Variants in NBAS observed in about 807,000 individuals in gnomAD.
NBAS encodes NAG/BC035112 fusion.
A neutral mutation model predicts 302.5 loss-of-function variants in NBAS; 219 were observed. The ratio of observed to expected loss-of-function variants is 0.72; its 90% CI spans 0.65 to 0.81. NBAS has a LOEUF of 0.81. Among genes scored for constraint, NBAS ranks in the 30% least tolerant of loss-of-function variants. The probability of loss-of-function intolerance (pLI) is 0.00; values close to 1 mark genes in which losing one functional copy is unlikely to be tolerated. For missense variants in NBAS, 2,932 were observed against 2,841.6 expected (o/e 1.03, Z -0.72); for synonymous variants, 1,118 against 1,021.6 (o/e 1.09, Z -1.80).
At chr2:15,430,596 A>T (rs1476999507) in intron 21 of NBAS, among the ~76,000 whole-genome samples, 1 of 152,228 alleles carries the variant, frequency 6.6e-6, no homozygotes, top group Non-Finnish European at 1.5e-5. Flanking sequence ...GCATAAATTA[A>T]CTTGTCCATC....
rs1422746762 is a variant in NBAS at position 15,360,342 on chromosome 2, A to AC, written c.3818-3927_3818-3926insG. Among the ~76,000 whole-genome samples, 596 of 122,400 alleles carry AC rather than the reference A, an allele frequency of 4.9e-3. 3 individuals carry two copies. Among genetic ancestry groups the AC allele is most frequent in the African/African-American group, 0.015 (576 of 39,420 alleles). The allele number at this position is 122,400 out of a possible 152,430, so 80.3% of individuals were successfully genotyped here. ...GGTTACCATAACTTAAAAAAAAAAA[A>AC]AAAACAAAACAAAACAGAATCTCAC... On this transcript the variant is annotated intron_variant, in intron 32 of 51. Coordinates refer to ENST00000281513, the MANE Select transcript of NBAS (RefSeq NM_015909.4).
chr2:14,988,463 C>T, the NBAS span, among the ~76,000 whole-genome samples: 1 of 152,158 alleles, frequency 6.6e-6, no homozygotes, highest in Admixed American at 6.5e-5. Flanking sequence ...TAATGACATT[C>T]CTCTTAATTC....
the NBAS span, among the ~76,000 whole-genome samples, chr2:14,888,153 C>T: frequency 0.013 from 1,974 of 152,070 alleles, 44 homozygotes; most frequent in African/African-American, 0.045. Flanking sequence ...TTTTTTGAAA[C>T]GGAGTCTCAC....
Position 15,268,891 on chromosome 2 carries a change from C to A in NBAS, c.5724+6593G>T, listed in dbSNP as rs143829790. ...TTTATTACTTTTTCCTGATTAAAAC[C>A]CGAAGGCATGATAGAAATATTTCTG... On this transcript the variant is annotated intron_variant, in intron 44 of 51. Coordinates refer to ENST00000281513, the MANE Select transcript of NBAS (RefSeq NM_015909.4). Among the ~76,000 whole-genome samples the A allele has an allele frequency of 2.5e-3, 376 of 152,282 alleles. 2 individuals carry two copies. The highest frequency in any genetic ancestry group is 8.8e-3 in the African/African-American group (365 of 41,556).
In NBAS at chr2:15,328,284, A is replaced by C. The variant is rs774830142; in HGVS notation, c.4376T>G (p.Ile1459Ser). ...TAGATCTTCATTGGCTGTAGTTCCGATTTGATATGCACCACCACATTTTTG... is the reference window on the plus strand; with the variant it reads ...TAGATCTTCATTGGCTGTAGTTCCGCTTTGATATGCACCACCACATTTTTG... ...QGQKCGGAYQ[I>S]GTTANEDLEK... The change falls in exon 37 of 52, where the codon ATC (isoleucine) becomes AGC (serine). Residue 1459 changes from isoleucine to serine, a missense_variant. Coordinates refer to ENST00000281513, the MANE Select transcript of NBAS (RefSeq NM_015909.4). 8 of 1,613,920 alleles carry C rather than the reference A, an allele frequency of 5.0e-6. No individual in the cohort carries two copies. Among genetic ancestry groups the C allele is most frequent in the South Asian group, 1.1e-5 (1 of 91,064 alleles).
chr2:15,139,308 G>C, the NBAS span, among the ~76,000 whole-genome samples: 2 of 152,076 alleles, frequency 1.3e-5, no homozygotes, highest in African/African-American at 4.8e-5. Flanking sequence ...GAAATCATGG[G>C]GAATAGAAAA....
At chr2:14,937,300 G>A in the NBAS span, among the ~76,000 whole-genome samples, 21 of 152,216 alleles carry the variant, frequency 1.4e-4, no homozygotes, top group Non-Finnish European at 2.8e-4. Context: ...TGAAGCAGGT[G>A]TACTGTGCAC....
chr2:14,992,161 T>C, the NBAS span, among the ~76,000 whole-genome samples: 2 of 152,184 alleles, frequency 1.3e-5, no homozygotes, highest in Admixed American at 1.3e-4. Flanking sequence ...TGTGTGAAAA[T>C]GCTCTAAAAA....
chr2:15,466,724 G>C (rs1373357113), intron 19 of NBAS, among the ~76,000 whole-genome samples: 1 of 152,106 alleles, frequency 6.6e-6, no homozygotes, highest in Non-Finnish European at 1.5e-5. Context: ...GATTGCTTGA[G>C]TCTAGAAGTT....
chr2:15,001,028 C>A, the NBAS span, among the ~76,000 whole-genome samples: 2 of 152,146 alleles, frequency 1.3e-5, no homozygotes, highest in African/African-American at 4.8e-5. Context: ...CAGCACGGCA[C>A]CCCTCCCACA....
chr2:15,301,197 T>C (rs1670778809), intron 40 of NBAS, among the ~76,000 whole-genome samples: 1 of 152,074 alleles, frequency 6.6e-6, no homozygotes, highest in African/African-American at 2.4e-5. Flanking sequence ...GCGGTCGCTG[T>C]CCAAGTAAAA....
chr2:15,508,968 T>C (rs1662008098), intron 10 of NBAS, among the ~76,000 whole-genome samples: 1 of 152,018 alleles, frequency 6.6e-6, no homozygotes, highest in African/African-American at 2.4e-5. Context: ...GCCGCAGACA[T>C]CATGCTTACT....
intron 19 of NBAS, among the ~76,000 whole-genome samples, chr2:15,463,608 G>A (rs1228332948): frequency 1.3e-5 from 2 of 151,840 alleles, no homozygotes; most frequent in East Asian, 1.9e-4. Flanking sequence ...CTTAATCCCT[G>A]CCTCTTTCCC....
rs527274193 is a variant in NBAS, at chr2:15,501,612, C to A, written c.954+2533G>T. ...TTTTTTTTTTTTTTTTTTTTTGAGA[C>A]GGAGTCTCGCTCTGTCGCCCAGGCT... On this transcript the variant is annotated intron_variant, in intron 11 of 51. Transcript: ENST00000281513. Among the ~76,000 whole-genome samples, 6 of 104,900 alleles carry A rather than the reference C, an allele frequency of 5.7e-5. No individual in the cohort carries two copies. In the East Asian group the frequency reaches 1.6e-3, roughly 28 times the overall value. 68.8% of individuals were successfully genotyped at this position (104,900 alleles called of 152,430 possible).
chr2:15,088,592 C>G, the NBAS span, among the ~76,000 whole-genome samples: 2 of 152,214 alleles, frequency 1.3e-5, no homozygotes, highest in African/African-American at 4.8e-5. Context: ...GGTCTGTATA[C>G]TGTCCTCAAC....
chr2:14,956,882 C>T, the NBAS span, among the ~76,000 whole-genome samples: 1 of 152,026 alleles, frequency 6.6e-6, no homozygotes, highest in African/African-American at 2.4e-5. Flanking sequence ...TATGCTCCCC[C>T]AAAATTCATA....
intron 32 of NBAS, among the ~76,000 whole-genome samples, chr2:15,358,048 C>A (rs928136551): frequency 1.3e-5 from 2 of 152,058 alleles, no homozygotes; most frequent in African/African-American, 4.8e-5. Flanking sequence ...TCCTGGGGAA[C>A]AAAGGCTGGA....
At chr2:15,340,876 G>A (rs940957791) in intron 35 of NBAS, among the ~76,000 whole-genome samples, 4 of 152,044 alleles carry the variant, frequency 2.6e-5, no homozygotes, top group African/African-American at 7.2e-5. Flanking sequence ...CACGAACTTC[G>A]CAACAAGAGG....
At chr2:15,277,148 T>C (rs1452957440) in intron 42 of NBAS, 47 bp from the exon 43 acceptor site, 4 of 1,547,970 alleles carry the variant, frequency 2.6e-6, no homozygotes, top group African/African-American at 2.2e-5. Context: ...TGTTCCTTTA[T>C]TAAAGTGATT....
Sources: gnomAD v4.1 joint callset for allele counts (sites outside exome capture counted in the v4.1 genomes callset) on GRCh38, gnomAD v4.1.1 for gene constraint, MANE v1.5 for transcripts, NCBI Gene and HGNC (gene_info 2026-07-23, HGNC 2026-07-21) for gene names.